Variants in ULK4 observed in about 807,000 individuals in gnomAD.
ULK4 encodes unc-51 like kinase 4, also known as inactive serine/threonine-protein kinase ULK4.
ULK4 carries 133 observed loss-of-function variants against 160.6 expected under a neutral mutation model. The observed-to-expected ratio is 0.83, with a 90% CI of 0.72 to 0.96. The LOEUF (loss-of-function observed/expected upper bound fraction) is 0.96. Ranked by LOEUF, ULK4 falls within the 40% of genes least tolerant of loss-of-function variation. The pLI, the probability that ULK4 is intolerant of heterozygous loss-of-function variation, is 0.00. For synonymous variants in ULK4, 534 were observed against 539.8 expected, an observed-to-expected ratio of 0.99 and a Z score of 0.15; for missense variants, 1,580 against 1,499.5, an observed-to-expected ratio of 1.05 and a Z score of -0.89.
Position 41,408,427 on chromosome 3 carries a change from C to CAA in ULK4, c.3493-10165_3493-10164dup, listed in dbSNP as rs59444673. Among the ~76,000 whole-genome samples the CAA allele has an allele frequency of 4.7e-3, 207 of 44,054 alleles. 6 individuals are homozygous for CAA. The highest frequency in any genetic ancestry group is 0.012 in the African/African-American group (183 of 14,660). 28.9% of individuals were successfully genotyped at this position (44,054 alleles called of 152,430 possible). On this transcript the variant is annotated intron_variant, in intron 34 of 36. Coordinates refer to ENST00000301831, the MANE Select transcript of ULK4 (RefSeq NM_017886.4). ...TGGGTGACAAAGTGAGACTCCATCT[C>CAA]AAAAAAAAAAAAAAAAAAAAAAAAA... is the stretch of plus-strand genomic sequence containing the variant.
chr3:41,805,967 A>C (rs1416319845), intron 19 of ULK4, among the ~76,000 whole-genome samples: 276 of 139,404 alleles, frequency 2.0e-3, no homozygotes, highest in African/African-American at 6.4e-3. Context: ...TGTCTCTGCC[A>C]GGCTTTGGTA....
chr3:41,649,573 C>T (rs2034653997), intron 30 of ULK4, among the ~76,000 whole-genome samples: 1 of 152,230 alleles, frequency 6.6e-6, no homozygotes, highest in African/African-American at 2.4e-5. Flanking sequence ...CGCAACCCAG[C>T]TGGGGGTGTC....
chr3:41,422,823 T>C (rs1281165625), intron 34 of ULK4, among the ~76,000 whole-genome samples: 1 of 152,188 alleles, frequency 6.6e-6, no homozygotes, highest in East Asian at 1.9e-4. Flanking sequence ...TCTAACCATC[T>C]CACTTCTGGA....
chr3:41,482,129 T>A (rs2125897917), intron 32 of ULK4, among the ~76,000 whole-genome samples: 1 of 152,262 alleles, frequency 6.6e-6, no homozygotes, highest in South Asian at 2.1e-4. Flanking sequence ...CCTGAATTCT[T>A]TTTTGCATGA....
At chr3:41,409,964 A>G (rs2082378210) in intron 34 of ULK4, among the ~76,000 whole-genome samples, 1 of 152,136 alleles carries the variant, frequency 6.6e-6, no homozygotes, top group South Asian at 2.1e-4. Context: ...AAAAAAAGAA[A>G]AGAAAATGCA....
chr3:41,380,997 T>C (rs1012958596), intron 35 of ULK4, among the ~76,000 whole-genome samples: 1 of 152,094 alleles, frequency 6.6e-6, no homozygotes, highest in East Asian at 1.9e-4. Flanking sequence ...CCGGCCATTC[T>C]CCACCCTTCC....
chr3:41,778,283 G>C (rs775525721), intron 21 of ULK4, among the ~76,000 whole-genome samples: 756 of 37,168 alleles, frequency 0.02, 8 homozygotes, highest in Non-Finnish European at 0.024. Context: ...CAAGGGATGT[G>C]AAGGACCTCT....
intron 18 of ULK4, among the ~76,000 whole-genome samples, chr3:41,827,465 A>C (rs2125641518): frequency 6.6e-6 from 1 of 152,286 alleles, no homozygotes; most frequent in Middle Eastern, 3.4e-3. Context: ...GACAAAGGGG[A>C]TATCACCACC....
chr3:41,469,354 T>C (rs1372597417), intron 32 of ULK4, among the ~76,000 whole-genome samples: 1 of 151,984 alleles, frequency 6.6e-6, no homozygotes, highest in African/African-American at 2.4e-5. Context: ...TGAACTCAAA[T>C]AGTAAAACTA....
chr3:41,393,347 C>T (rs551662550), intron 35 of ULK4, among the ~76,000 whole-genome samples: 2 of 152,144 alleles, frequency 1.3e-5, no homozygotes. Context: ...TGTCTAAACT[C>T]TAAATGCTCC....
At chr3:41,642,058 G>C (rs890656423) in intron 30 of ULK4, among the ~76,000 whole-genome samples, 5 of 151,676 alleles carry the variant, frequency 3.3e-5, no homozygotes, top group African/African-American at 9.7e-5. Context: ...TATTTCAGTA[G>C]AGACGAGGTT....
intron 5 of ULK4, among the ~76,000 whole-genome samples, chr3:41,922,747 A>T (rs1699235483): frequency 6.6e-6 from 1 of 152,150 alleles, no homozygotes. Flanking sequence ...ATGAGAAAAA[A>T]ATGGGAAAAT....
chr3:41,530,084 T>C (rs1051579514), intron 32 of ULK4, among the ~76,000 whole-genome samples: 1 of 152,186 alleles, frequency 6.6e-6, no homozygotes, highest in African/African-American at 2.4e-5. Flanking sequence ...TACTAAAAAA[T>C]ATACTGAATT....
intron 30 of ULK4, among the ~76,000 whole-genome samples, chr3:41,638,966 T>C (rs2034069053): frequency 6.6e-6 from 1 of 152,172 alleles, no homozygotes; most frequent in South Asian, 2.1e-4. Flanking sequence ...AATTCTAAAA[T>C]GGTAAATGAC....
chr3:41,941,250 T>C (rs927250364), intron 2 of ULK4, among the ~76,000 whole-genome samples: 3 of 150,114 alleles, frequency 2.0e-5, no homozygotes, highest in African/African-American at 7.3e-5. Flanking sequence ...GTTGCCCAAG[T>C]TGGTCTTGAA....
At chr3:41,651,791 G>A (rs978317775) in intron 30 of ULK4, among the ~76,000 whole-genome samples, 5 of 152,198 alleles carry the variant, frequency 3.3e-5, no homozygotes, top group African/African-American at 9.6e-5. Flanking sequence ...GGAAGGAACT[G>A]TGAATTAGTG....
chr3:41,815,875 A>T (rs2040947623), intron 19 of ULK4, among the ~76,000 whole-genome samples: 1 of 152,208 alleles, frequency 6.6e-6, no homozygotes, highest in Non-Finnish European at 1.5e-5. Flanking sequence ...TCAGAACAAA[A>T]TGTAATAGAC....
intron 31 of ULK4, among the ~76,000 whole-genome samples, chr3:41,570,566 C>T (rs1457276843): frequency 1.3e-5 from 2 of 152,174 alleles, no homozygotes; most frequent in Non-Finnish European, 1.5e-5. Context: ...TGTTCAAAGA[C>T]CCATCTGTCA....
intron 35 of ULK4, among the ~76,000 whole-genome samples, chr3:41,282,537 T>C (rs151040400): frequency 0.018 from 2,748 of 152,132 alleles, 47 homozygotes; most frequent in South Asian, 0.067. Context: ...CTGACAAAAA[T>C]AAGAAACGGG....
Sources: allele counts gnomAD v4.1 joint callset (sites outside exome capture counted in the v4.1 genomes callset), GRCh38; gene constraint gnomAD v4.1.1; transcripts MANE v1.5; gene names NCBI Gene and HGNC (gene_info 2026-07-23, HGNC 2026-07-21).